Variants in CCDC91 observed in about 807,000 individuals in gnomAD.
CCDC91 encodes coiled-coil domain containing 91, also known as coiled-coil domain-containing protein 91.
In CCDC91, 48 loss-of-function variants were observed where a neutral mutation model predicts 63.2. That is an observed-to-expected ratio of 0.76 (90% confidence interval 0.60 to 0.97). The LOEUF (loss-of-function observed/expected upper bound fraction) is 0.97. Among genes scored for constraint, CCDC91 ranks in the 50% least tolerant of loss-of-function variants. The pLI is 0.00. For missense variants in CCDC91, 500 were observed against 494.6 expected, an observed-to-expected ratio of 1.01 and a Z score of -0.10; for synonymous variants, 167 against 165.8, an observed-to-expected ratio of 1.01 and a Z score of -0.06.
intron 12 of CCDC91, among the ~76,000 whole-genome samples, chr12:28,527,790 G>A (rs913225283): frequency 1.3e-5 from 2 of 152,140 alleles, no homozygotes; most frequent in Non-Finnish European, 2.9e-5. Context: ...TGTGGGAGAT[G>A]GGGGTGAGGT....
At chr12:28,198,159 G>C (rs1237471957) in intron 1 of CCDC91, among the ~76,000 whole-genome samples, 1 of 152,108 alleles carries the variant, frequency 6.6e-6, no homozygotes, top group Admixed American at 6.5e-5. Flanking sequence ...TGGCTTTTCT[G>C]TGTCTACCAC....
intron 1 of CCDC91, among the ~76,000 whole-genome samples, chr12:28,218,580 T>A (rs77179571): frequency 6.6e-6 from 1 of 152,252 alleles, no homozygotes; most frequent in East Asian, 1.9e-4. Context: ...TGTTCCCTTG[T>A]GCCTCATAAG....
At chr12:28,408,544 A>C (rs1423780777) in intron 8 of CCDC91, among the ~76,000 whole-genome samples, 1 of 152,194 alleles carries the variant, frequency 6.6e-6, no homozygotes, top group Non-Finnish European at 1.5e-5. Flanking sequence ...ATGACCAGGG[A>C]TGATGAGCTT....
chr12:28,498,811 T>G (rs188226612), intron 12 of CCDC91, among the ~76,000 whole-genome samples: 34 of 151,810 alleles, frequency 2.2e-4, no homozygotes, highest in Admixed American at 1.1e-3. Context: ...GTAGCACTCT[T>G]AAGTGCTAGG....
chr12:28,370,796 G>A (rs1944571122), intron 7 of CCDC91, among the ~76,000 whole-genome samples: 1 of 151,698 alleles, frequency 6.6e-6, no homozygotes, highest in South Asian at 2.1e-4. Context: ...CAAAGGAGAA[G>A]CAAGCACCTT....
intron 12 of CCDC91, chr12:28,505,362 G>A (rs1486241344): frequency 2.0e-5 from 3 of 151,778 alleles, no homozygotes; most frequent in Admixed American, 6.6e-5. Context: ...TCTGCGAATC[G>A]AATGCTACAG....
intron 11 of CCDC91, among the ~76,000 whole-genome samples, chr12:28,466,672 G>A (rs1950565192): frequency 6.6e-6 from 1 of 152,084 alleles, no homozygotes; most frequent in African/African-American, 2.4e-5. Flanking sequence ...AAAGCTATGG[G>A]ATTTTATCAA....
At chr12:28,493,543 A>C (rs1952122866) in intron 12 of CCDC91, among the ~76,000 whole-genome samples, 1 of 151,666 alleles carries the variant, frequency 6.6e-6, no homozygotes, top group Non-Finnish European at 1.5e-5. Flanking sequence ...GAGGGACAGA[A>C]CTTACATGCA....
intron 8 of CCDC91, among the ~76,000 whole-genome samples, chr12:28,438,697 C>T (rs536175788): frequency 6.6e-6 from 1 of 152,154 alleles, no homozygotes; most frequent in South Asian, 2.1e-4. Flanking sequence ...TGTGAGAAAG[C>T]TGTATGCATT....
chr12:28,268,529 C>G (rs1947516472), intron 3 of CCDC91: 1 of 316,180 alleles, frequency 3.2e-6, no homozygotes, highest in Non-Finnish European at 4.6e-6. Context: ...ATGTTAGATT[C>G]TATAACACCA....
intron 1 of CCDC91, among the ~76,000 whole-genome samples, chr12:28,220,022 A>G (rs970572506): frequency 1.3e-5 from 2 of 152,080 alleles, no homozygotes; most frequent in Non-Finnish European, 2.9e-5. Context: ...TGTATGTGGC[A>G]TACAGTTGGG....
intron 6 of CCDC91, among the ~76,000 whole-genome samples, chr12:28,335,930 A>C (rs891198033): frequency 6.6e-6 from 1 of 151,054 alleles, no homozygotes; most frequent in African/African-American, 2.4e-5. Context: ...CCTATAGAAA[A>C]GTTTGGACTG....
intron 1 of CCDC91, among the ~76,000 whole-genome samples, chr12:28,251,670 G>A (rs1946125672): frequency 6.6e-6 from 1 of 151,902 alleles, no homozygotes; most frequent in African/African-American, 2.4e-5. Context: ...TTTTCATTTG[G>A]TTAGTTCTCT....
At chr12:28,220,154 CT>C (rs1007718650) in intron 1 of CCDC91, among the ~76,000 whole-genome samples, 5 of 151,828 alleles carry the variant, frequency 3.3e-5, no homozygotes, top group African/African-American at 1.2e-4. Context: ...ATTTGTTTTC[CT>C]TTTTTTCCTT....
intron 12 of CCDC91, among the ~76,000 whole-genome samples, chr12:28,490,535 A>G (rs1191695290): frequency 6.6e-6 from 1 of 151,922 alleles, no homozygotes; most frequent in Non-Finnish European, 1.5e-5. Context: ...AAAAATAACC[A>G]GTACTAACCA....
chr12:28,191,637 C>A (rs537852503), intron 1 of CCDC91, among the ~76,000 whole-genome samples: 2 of 152,284 alleles, frequency 1.3e-5, no homozygotes, highest in South Asian at 2.1e-4. Context: ...CCTTCCCCCC[C>A]CCACAATATT....
At chr12:28,272,798 G>GTAATATAT (rs1182405932) in intron 3 of CCDC91, among the ~76,000 whole-genome samples, 1 of 151,690 alleles carries the variant, frequency 6.6e-6, no homozygotes, top group Non-Finnish European at 1.5e-5. Context: ...ATATGCTTAT[G>GTAATATAT]GCCTAATTAG....
chr12:28,357,994 C>T (rs1943629944), intron 6 of CCDC91, among the ~76,000 whole-genome samples: 1 of 152,056 alleles, frequency 6.6e-6, no homozygotes, highest in Non-Finnish European at 1.5e-5. Flanking sequence ...TTTGGTTATT[C>T]CTGTGGACAG....
chr12:28,520,022 G>T (rs952248658), intron 12 of CCDC91, among the ~76,000 whole-genome samples: 10 of 151,902 alleles, frequency 6.6e-5, no homozygotes, highest in Admixed American at 6.6e-5. Flanking sequence ...GAATAGTGCC[G>T]CAATAAACAT....
Sources: gnomAD v4.1 joint callset for allele counts (sites outside exome capture counted in the v4.1 genomes callset) on GRCh38, gnomAD v4.1.1 for gene constraint, MANE v1.5 for transcripts, NCBI Gene and HGNC (gene_info 2026-07-23, HGNC 2026-07-21) for gene names.